TTC23: variants seen among roughly 807,000 people sequenced by gnomAD.
The protein encoded by TTC23 is tetratricopeptide repeat domain 23, also known as tetratricopeptide repeat protein 23.
In TTC23, 58 loss-of-function variants were observed where a neutral mutation model predicts 55.1. The observed-to-expected ratio is 1.05, with a 90% CI of 0.85 to 1.31. The LOEUF (loss-of-function observed/expected upper bound fraction) is 1.31, where lower values mean the gene tolerates loss of function less well. Ranked by LOEUF, TTC23 falls within the 50% of genes most tolerant of loss-of-function variation. TTC23 has a pLI of 0.00. For synonymous variants in TTC23, 203 were observed against 199.9 expected (o/e 1.02, Z -0.13); for missense variants, 516 against 534.4 (o/e 0.97, Z 0.34).
intron 11 of TTC23, 105 bp downstream of exon 11, chr15:99,161,635 T>G: frequency 7.5e-7 from 1 of 1,335,064 alleles, no homozygotes. Context: ...GACTGGCACA[T>G]GCTTTGCACA....
chr15:99,211,622 A>G (rs2077045261), intron 8 of TTC23, among the ~76,000 whole-genome samples: 1 of 130,840 alleles, frequency 7.6e-6, no homozygotes, highest in Non-Finnish European at 1.6e-5. Flanking sequence ...GATCATAATG[A>G]TAATTATATT....
In TTC23 at chr15:99,221,596, A is replaced by G. The variant is rs2077933664; in HGVS notation, c.304+145T>C. ...ATGTTTACAGGTTATATACCTTATCAACTCTTTCTAAAAAGAAATGGCTTC... is the reference window on the plus strand; with the variant it reads ...ATGTTTACAGGTTATATACCTTATCGACTCTTTCTAAAAAGAAATGGCTTC... On this transcript the variant is annotated intron_variant, in intron 6 of 13. Transcript: ENST00000394132. The G allele has an allele frequency of 8.9e-6, 9 of 1,012,500 alleles. 1 individual carries two copies. The South Asian group carries it at 1.6e-4, about 18-fold the overall frequency. 62.7% of individuals were successfully genotyped at this position (1,012,500 alleles called of 1,614,324 possible). A position where few individuals can be genotyped will look rare whatever the true frequency, so the allele number is the denominator to read the frequency against.
chr15:99,214,894 T>G (rs2077348400), intron 8 of TTC23, among the ~76,000 whole-genome samples: 1 of 147,568 alleles, frequency 6.8e-6, no homozygotes, highest in Admixed American at 6.7e-5. Context: ...TCTCTCTTGT[T>G]GCCCAGGCTG....
chr15:99,178,465 CATTTA>C (rs2073815355), intron 9 of TTC23, among the ~76,000 whole-genome samples: 1 of 152,098 alleles, frequency 6.6e-6, no homozygotes, highest in Non-Finnish European at 1.5e-5. Context: ...AATTTAATTC[CATTTA>C]ATTTAATTCA....
At chr15:99,221,637 G>A in intron 6 of TTC23, 104 bp downstream of exon 6, 2 of 1,418,314 alleles carry the variant, frequency 1.4e-6, no homozygotes, top group Non-Finnish European at 9.6e-7. Flanking sequence ...ATTTAGAAAG[G>A]AGAATATTAA....
chr15:99,218,490 C>T (rs1596792661), intron 8 of TTC23, 98 bp downstream of exon 8: 1 of 1,508,632 alleles, frequency 6.6e-7, no homozygotes, highest in East Asian at 2.3e-5. Context: ...GAAGCCATGG[C>T]CGCAGCCTCA....
chr15:99,139,359 T>G lies in TTC23; in HGVS notation c.1184A>C (p.Lys395Thr). 1 of 1,614,066 alleles carries G rather than the reference T, an allele frequency of 6.2e-7. No homozygotes were observed. Residue 395 changes from lysine to threonine, a missense_variant, in exon 13 of 14, where the codon AAA (lysine) becomes ACA (threonine). Physicochemically the swap from Lys to Thr is moderately conservative, Grantham distance 78. Transcript: ENST00000394132. ...GGCCTGCTGGGTGGCCAGAGTCCTT[T>G]TGTCCTGCGGTCCATATAAGAGGGT... Reference protein sequence around the residue: ...IQTLLYGPQDKRTLATQQAMG... With the variant: ...IQTLLYGPQDTRTLATQQAMG...
At position 99,210,031 on chromosome 15, in the gene TTC23, C is replaced by T. The variant is rs180945627; in HGVS notation, c.581+8557G>A. Among the ~76,000 whole-genome samples the T allele has an allele frequency of 6.8e-4, 104 of 152,246 alleles. 1 individual carries two copies. The highest frequency in any genetic ancestry group is 9.7e-4 in the Non-Finnish European group (66 of 68,020). Reference sequence around the variant, plus strand: ...TCGGCCTCCCAAAGTTCTGGGATTACAGGTGTAAGTCACTGTGCCCTGCCT... The same window carrying T: ...TCGGCCTCCCAAAGTTCTGGGATTATAGGTGTAAGTCACTGTGCCCTGCCT... On this transcript the variant is annotated intron_variant, in intron 8 of 13. Coordinates refer to ENST00000394132, the MANE Select transcript of TTC23 (RefSeq NM_001288615.3).
intron 11 of TTC23, chr15:99,157,360 C>T (rs2070751935): frequency 6.6e-6 from 1 of 151,988 alleles, no homozygotes; most frequent in African/African-American, 2.4e-5. Context: ...TGCAGGCGCC[C>T]ACCACCATAC....
At chr15:99,213,483 T>A (rs2077206846) in intron 8 of TTC23, among the ~76,000 whole-genome samples, 1 of 152,230 alleles carries the variant, frequency 6.6e-6, no homozygotes, top group South Asian at 2.1e-4. Flanking sequence ...CTGCTCAATG[T>A]TAAATACTGA....
chr15:99,137,930 T>C lies in TTC23; in HGVS notation c.*80A>G. 6.3e-7 allele frequency: 1 copy of C among 1,577,554 alleles called. No homozygotes were observed. Among genetic ancestry groups the C allele is most frequent in the Non-Finnish European group, 8.7e-7 (1 of 1,155,582 alleles). On this transcript the variant is annotated 3_prime_UTR_variant, in exon 14 of 14. Coordinates refer to ENST00000394132, the MANE Select transcript of TTC23 (RefSeq NM_001288615.3). ...TCTGTATCCTGACTGTTGAATTCCATTTTCTAGGCGGAGGTGATTTGTACA... is the reference window on the plus strand; with the variant it reads ...TCTGTATCCTGACTGTTGAATTCCACTTTCTAGGCGGAGGTGATTTGTACA...
intron 9 of TTC23, among the ~76,000 whole-genome samples, chr15:99,189,384 G>A (rs2075032450): frequency 1.3e-5 from 2 of 152,182 alleles, no homozygotes; most frequent in African/African-American, 2.4e-5. Context: ...CAATAGATGT[G>A]TTAAACCCAG....
intron 9 of TTC23, among the ~76,000 whole-genome samples, chr15:99,181,438 G>A (rs888484565): frequency 1.3e-5 from 2 of 152,156 alleles, no homozygotes; most frequent in African/African-American, 4.8e-5. Flanking sequence ...AAGATGTTAT[G>A]GTGTCGTCGA....
rs60920515 is a variant in TTC23 at position 99,202,283 on chromosome 15, GA to G, written c.582-2188del. Among the ~76,000 whole-genome samples the G allele has an allele frequency of 3.2e-4, 49 of 152,058 alleles. 2 individuals are homozygous for G. The East Asian group carries it at 9.1e-3, about 28-fold the overall frequency. On this transcript the variant is annotated intron_variant, in intron 8 of 13. Coordinates refer to ENST00000394132, the MANE Select transcript of TTC23 (RefSeq NM_001288615.3). ...CAATGCCAGGGATATTTGAGAGAAG[GA>G]AAAAAATATTCATCTTTTTCCTCGT...
At chr15:99,139,804 T>C in intron 12 of TTC23, 1 of 1,217,546 alleles carries the variant, frequency 8.2e-7, no homozygotes, top group South Asian at 1.3e-5. Flanking sequence ...CTACTTTTAT[T>C]AATATATAGG....
intron 9 of TTC23, among the ~76,000 whole-genome samples, chr15:99,187,151 A>G (rs1380338193): frequency 1.3e-5 from 2 of 151,968 alleles, no homozygotes; most frequent in African/African-American, 4.8e-5. Context: ...CTAGAAATAA[A>G]CCCTTATATT....
At chr15:99,182,248 T>TCACACACACACA (rs56223763) in intron 9 of TTC23, among the ~76,000 whole-genome samples, 6 of 108,606 alleles carry the variant, frequency 5.5e-5, no homozygotes, top group African/African-American at 1.5e-4. Context: ...TCTCTCTCTC[T>TCACACACACACA]CACACACACA....
chr15:99,218,694 T>C lies in TTC23; in HGVS notation c.475A>G (p.Asn159Asp). 1 of 1,614,148 alleles carries C rather than the reference T, an allele frequency of 6.2e-7. No homozygotes were observed. Among genetic ancestry groups the C allele is most frequent in the Non-Finnish European group, 8.5e-7 (1 of 1,180,040 alleles). ...GAAAGTCTCTCTGCTTTTGTCAAAT[T>C]CTCTGCAGCTTCCTTAAATCTGAAT... ...SLQKFKEAAE[N>D]LTKAERLSKE... Residue 159 changes from asparagine to aspartate, a missense_variant, in exon 8 of 14, where the codon AAT becomes GAT. By Grantham distance (23) the Asn-to-Asp change is conservative. Transcript: ENST00000394132.
intron 12 of TTC23, among the ~76,000 whole-genome samples, chr15:99,144,199 G>T (rs924659269): frequency 2.0e-5 from 3 of 152,156 alleles, no homozygotes; most frequent in Non-Finnish European, 2.9e-5. Context: ...TGAAAGCTAG[G>T]AGTCTAAGGA....
Sources: gnomAD v4.1 joint callset for allele counts (sites outside exome capture counted in the v4.1 genomes callset) on GRCh38, gnomAD v4.1.1 for gene constraint, MANE v1.5 for transcripts, NCBI Gene and HGNC (gene_info 2026-07-23, HGNC 2026-07-21) for gene names.